Variants in RPL27 observed in about 807,000 individuals in gnomAD.
RPL27 encodes the protein ribosomal protein L27, also known as large ribosomal subunit protein eL27.
For missense variants in RPL27, 131 were observed against 174.3 expected (o/e 0.75, Z 1.40); for synonymous variants, 77 against 61.0 (o/e 1.26, Z -1.22).
chr17:42,999,840 AGGGTGGAAATATTTTTT>A lies in RPL27; in HGVS notation c.82-90_82-74del. 4 of 950,228 alleles carry A rather than the reference AGGGTGGAAATATTTTTT, an allele frequency of 4.2e-6. No individual in the cohort carries two copies. In the South Asian group the frequency reaches 6.0e-5, roughly 14 times the overall value. 58.9% of individuals were successfully genotyped at this position (950,228 alleles called of 1,614,324 possible). On this transcript the variant is annotated intron_variant, in intron 2 of 4. Coordinates refer to ENST00000253788, the MANE Select transcript of RPL27 (RefSeq NM_000988.5). ...TATAATGGTGGATCTTGGAGACCTG[AGGGTGGAAATATTTTTT>A]GGACACTGCACTACCTCTAACACAG...
At chr17:42,999,036 C>T (rs1206004612) in intron 2 of RPL27, 2 of 557,684 alleles carry the variant, frequency 3.6e-6, no homozygotes, top group African/African-American at 1.9e-5. Flanking sequence ...ATAAAGCCTT[C>T]TCCACCAGAG....
In RPL27 at chr17:43,000,822, A is replaced by G. The variant is rs370674312; in HGVS notation, c.251+720A>G. On this transcript the variant is annotated intron_variant, in intron 3 of 4. Transcript: ENST00000253788. ...GTAATCCCATCACTTTGGGAGGCCA[A>G]GGCGGATGGATCACCTGAGGTCAGG... Among the ~76,000 whole-genome samples the G allele has an allele frequency of 5.3e-5, 8 of 150,302 alleles. No individual in the cohort carries two copies. In the East Asian group the frequency reaches 8.2e-4, roughly 15 times the overall value.
chr17:43,000,512 G>C (rs1298043651), intron 3 of RPL27, among the ~76,000 whole-genome samples: 1 of 146,472 alleles, frequency 6.8e-6, no homozygotes, highest in Non-Finnish European at 1.5e-5. Flanking sequence ...GAGTCGCCCA[G>C]GTTGGAGTGC....
At chr17:42,999,048 C>G in intron 2 of RPL27, 1 of 537,436 alleles carries the variant, frequency 1.9e-6, no homozygotes, top group Non-Finnish European at 3.3e-6. Context: ...CCACCAGAGG[C>G]TTTAAATATA....
chr17:43,002,682 G>A lies in RPL27; in HGVS notation c.261G>A (p.Val87=), dbSNP rs2050377720. Residue 87 remains valine (V), a synonymous_variant, in exon 4 of 5, where the codon GTG becomes GTA. Coordinates refer to ENST00000253788, the MANE Select transcript of RPL27 (RefSeq NM_000988.5). ...YNHLMPTRYS[V]DIPLDKTVVN... The stretch of plus-strand genomic sequence containing the variant: ...CCACCTTTGTCCCCAGGTACTCTGT[G>A]GATATCCCCTTGGACAAAACTGTCG... 2 of 1,608,870 alleles carry A rather than the reference G, an allele frequency of 1.2e-6. No homozygotes were observed. Among genetic ancestry groups the A allele is most frequent in the Non-Finnish European group, 8.5e-7 (1 of 1,175,422 alleles).
chr17:43,000,920 A>G (rs928558881), intron 3 of RPL27, among the ~76,000 whole-genome samples: 1 of 151,800 alleles, frequency 6.6e-6, no homozygotes, highest in African/African-American at 2.4e-5. Context: ...TGGGCATGGT[A>G]ATCCTGTAAT....
intron 2 of RPL27, chr17:42,999,705 C>G (rs576341759): frequency 7.8e-5 from 40 of 514,418 alleles, no homozygotes; most frequent in African/African-American, 5.5e-4. Context: ...ACTGTTGCTA[C>G]TTTTAAATCT....
rs1231630694 is a variant in RPL27, at chr17:43,001,146, G to A, written c.251+1044G>A. ...ATCACAGGGTCAGGAGATCGAGACC[G>A]CACTGGCTAACACGGTGAACCTGGG... On this transcript the variant is annotated intron_variant, in intron 3 of 4. Transcript: ENST00000253788. 4.0e-5 allele frequency among the ~76,000 whole-genome samples: 6 copies of A among 150,148 alleles called. No homozygotes were observed. In the East Asian group the frequency reaches 6.0e-4, roughly 15 times the overall value.
At chr17:43,000,604 AT>A (rs545580676) in intron 3 of RPL27, among the ~76,000 whole-genome samples, 136 of 141,938 alleles carry the variant, frequency 9.6e-4, no homozygotes, top group Non-Finnish European at 8.3e-4. Flanking sequence ...CACCTGGCTA[AT>A]TTTTTTTTTT....
intron 2 of RPL27, 74 bp downstream of exon 2, chr17:42,998,905 A>C (rs1420709532): frequency 8.2e-7 from 1 of 1,214,006 alleles, no homozygotes; most frequent in East Asian, 2.3e-5. Flanking sequence ...GCAGGCTTGG[A>C]ATTCAAGGCC....
In RPL27 at chr17:43,002,666, T is replaced by C; in HGVS notation, c.252-7T>C. ...GGCTAATCCTGCCTCTCCACCTTTG[T>C]CCCCAGGTACTCTGTGGATATCCCC... On this transcript the variant is annotated splice_polypyrimidine_tract_variant and splice_region_variant and intron_variant, in intron 3 of 4. Coordinates refer to ENST00000253788, the MANE Select transcript of RPL27 (RefSeq NM_000988.5). 1 of 1,573,074 alleles carries C rather than the reference T, an allele frequency of 6.4e-7. No homozygotes were observed. The highest frequency in any genetic ancestry group is 8.7e-7 in the Non-Finnish European group (1 of 1,142,942).
rs145525476 is a variant in RPL27, at chr17:42,998,612, C to T, written c.-2-137C>T. The stretch of plus-strand genomic sequence containing the variant: ...GATCCTGTCCTGCGAGCAGGGCCCT[C>T]GGGCGGCCTTGACCAAGGCGACAGT... On this transcript the variant is annotated intron_variant, in intron 1 of 4. Transcript: ENST00000253788. The T allele has an allele frequency of 1.2e-3, 779 of 655,242 alleles. 4 individuals carry two copies. In the African/African-American group the frequency reaches 0.013, roughly 11 times the overall value. 40.6% of individuals were successfully genotyped at this position (655,242 alleles called of 1,614,324 possible).
chr17:42,999,890 A>C, intron 2 of RPL27, 43 bp from the exon 3 acceptor site: 1 of 1,534,096 alleles, frequency 6.5e-7, no homozygotes. Context: ...CAGGGCCTAA[A>C]TAGGCCCTCA....
Position 42,998,456 on chromosome 17 carries a change from C to G in RPL27, c.-18C>G. On this transcript the variant is annotated 5_prime_UTR_variant, in exon 1 of 5. Transcript: ENST00000253788. The stretch of plus-strand genomic sequence containing the variant: ...CTTCTTTCCTTTTTGCTGGTAGGGC[C>G]GGGTGGTTGCTGCCGGTAAGTAGAA... 3.4e-6 allele frequency: 1 copy of G among 290,822 alleles called. No homozygotes were observed. Among genetic ancestry groups the G allele is most frequent in the Non-Finnish European group, 6.6e-6 (1 of 151,628 alleles). 18.0% of individuals were successfully genotyped at this position (290,822 alleles called of 1,614,324 possible).
At position 43,002,447 on chromosome 17, in the gene RPL27, C is replaced by G. The variant is rs140327717; in HGVS notation, c.252-226C>G. ...GCGTGAACCCGGGAGGCGGAACTTG[C>G]AATGAGCTGAGATCACACCACTGCA... On this transcript the variant is annotated intron_variant, in intron 3 of 4. Transcript: ENST00000253788. Among the ~76,000 whole-genome samples the G allele has an allele frequency of 0.016, 2,478 of 151,980 alleles. 77 individuals carry two copies. Among genetic ancestry groups the G allele is most frequent in the African/African-American group, 0.057 (2,371 of 41,432 alleles).
At chr17:42,998,938 G>A in intron 2 of RPL27, 107 bp downstream of exon 2, 1 of 823,376 alleles carries the variant, frequency 1.2e-6, no homozygotes, top group Non-Finnish European at 2.1e-6. Flanking sequence ...AGTAGCCAGT[G>A]AGCACGGTCA....
intron 2 of RPL27, 98 bp downstream of exon 2, chr17:42,998,929 G>A (rs753498904): frequency 2.1e-6 from 2 of 951,728 alleles, no homozygotes; most frequent in African/African-American, 1.6e-5. Context: ...TTCTGGGGCA[G>A]TAGCCAGTGA....
At chr17:43,001,185 A>G (rs2050357912) in intron 3 of RPL27, among the ~76,000 whole-genome samples, 1 of 151,594 alleles carries the variant, frequency 6.6e-6, no homozygotes, top group Non-Finnish European at 1.5e-5. Flanking sequence ...TGGAGATTGC[A>G]GGGAGCCGAG....
chr17:43,002,952 G>GA lies in RPL27; in HGVS notation c.*39dup. On this transcript the variant is annotated 3_prime_UTR_variant, in exon 5 of 5. Coordinates refer to ENST00000253788, the MANE Select transcript of RPL27 (RefSeq NM_000988.5). ...TGTTTTGATCATTAAAAATTATAAA[G>GA]AAAAAAAGCCTGTGTCTGCATGCTG... The GA allele has an allele frequency of 1.9e-6, 3 of 1,545,620 alleles. No individual in the cohort carries two copies. Among genetic ancestry groups the GA allele is most frequent in the African/African-American group, 2.7e-5 (2 of 73,112 alleles).
Sources: allele counts gnomAD v4.1 joint callset (sites outside exome capture counted in the v4.1 genomes callset), GRCh38; gene constraint gnomAD v4.1.1; transcripts MANE v1.5; gene names NCBI Gene and HGNC (gene_info 2026-07-23, HGNC 2026-07-21).